Variants in ZCCHC17 observed in about 807,000 individuals in gnomAD.
ZCCHC17 encodes the protein zinc finger CCHC domain-containing protein 17.
In ZCCHC17, 18 loss-of-function variants were observed where a neutral mutation model predicts 30.6. That is an observed-to-expected ratio of 0.59 (90% CI 0.41 to 0.87). ZCCHC17 has a LOEUF of 0.87. Among genes scored for constraint, ZCCHC17 ranks in the 40% least tolerant of loss-of-function variants. The pLI, the probability that ZCCHC17 is intolerant of heterozygous loss-of-function variation, is 0.00. For synonymous variants in ZCCHC17, 88 were observed against 92.4 expected (o/e 0.95, Z 0.27); for missense variants, 263 against 284.2 (o/e 0.93, Z 0.54).
At chr1:31,325,820 A>C (rs1455833279) in intron 3 of ZCCHC17, among the ~76,000 whole-genome samples, 4 of 152,220 alleles carry the variant, frequency 2.6e-5, no homozygotes. Context: ...TGCTGGCCAC[A>C]GCAGCTTCTG....
intron 5 of ZCCHC17, among the ~76,000 whole-genome samples, chr1:31,344,455 C>T (rs986545557): frequency 1.3e-5 from 2 of 152,144 alleles, no homozygotes; most frequent in African/African-American, 2.4e-5. Flanking sequence ...TTAGCACTGG[C>T]GTTATCCACT....
intron 1 of ZCCHC17, among the ~76,000 whole-genome samples, chr1:31,306,135 A>G (rs1172025063): frequency 6.6e-6 from 1 of 152,152 alleles, no homozygotes; most frequent in African/African-American, 2.4e-5. Flanking sequence ...TCTTCCTCAC[A>G]ATTTCAGACA....
rs1557452488 is a variant in ZCCHC17, at chr1:31,345,569, T to TATAATATATATATATATAATATA, written c.318-1068_318-1067insATATATATATATATAATATAATA. ...ATTTATATATATATATATAATATAA[T>TATAATATATATATATATAATATA]ATATATATATATATTAGTTCTCACA... On this transcript the variant is annotated intron_variant, in intron 5 of 7. Coordinates refer to ENST00000344147, the MANE Select transcript of ZCCHC17 (RefSeq NM_016505.4). Among the ~76,000 whole-genome samples, 454 of 133,800 alleles carry TATAATATATATATATATAATATA rather than the reference T, an allele frequency of 3.4e-3. 4 individuals are homozygous for TATAATATATATATATATAATATA. Among genetic ancestry groups the TATAATATATATATATATAATATA allele is most frequent in the African/African-American group, 0.012 (432 of 35,376 alleles). The allele number at this position is 133,800 out of a possible 152,430, so 87.8% of individuals were successfully genotyped here.
intron 7 of ZCCHC17, among the ~76,000 whole-genome samples, chr1:31,360,701 C>G (rs1053444180): frequency 1.3e-5 from 2 of 152,182 alleles, no homozygotes; most frequent in Admixed American, 6.5e-5. Context: ...ATCTTCCCTC[C>G]TCCTGAGCCT....
intron 6 of ZCCHC17, among the ~76,000 whole-genome samples, chr1:31,348,474 C>T (rs1639353906): frequency 6.6e-6 from 1 of 152,182 alleles, no homozygotes; most frequent in African/African-American, 2.4e-5. Flanking sequence ...ATCCTGCTCT[C>T]TGGAGCAGTC....
chr1:31,355,136 C>T (rs1346746975), intron 7 of ZCCHC17, among the ~76,000 whole-genome samples: 3 of 149,246 alleles, frequency 2.0e-5, no homozygotes, highest in East Asian at 4.0e-4. Context: ...GATTGCGCCA[C>T]TGCACTCCAG....
At chr1:31,324,002 C>T (rs1638239690) in intron 3 of ZCCHC17, among the ~76,000 whole-genome samples, 1 of 152,136 alleles carries the variant, frequency 6.6e-6, no homozygotes, top group Admixed American at 6.5e-5. Flanking sequence ...CATAATTATG[C>T]CTCATCTTAC....
At chr1:31,338,033 C>T (rs982112639) in intron 4 of ZCCHC17, among the ~76,000 whole-genome samples, 2 of 151,904 alleles carry the variant, frequency 1.3e-5, no homozygotes, top group African/African-American at 4.8e-5. Flanking sequence ...ACAGTGGTGC[C>T]ATCACGGCTC....
At chr1:31,333,865 G>T (rs186118887) in intron 3 of ZCCHC17, among the ~76,000 whole-genome samples, 1 of 152,240 alleles carries the variant, frequency 6.6e-6, no homozygotes, top group African/African-American at 2.4e-5. Context: ...AGTATATTAG[G>T]TTCAACATTA....
At chr1:31,362,408 A>G (rs532403484) in intron 7 of ZCCHC17, among the ~76,000 whole-genome samples, 1 of 152,316 alleles carries the variant, frequency 6.6e-6, no homozygotes, top group African/African-American at 2.4e-5. Context: ...GAGGCAATAT[A>G]GGTATTTGAA....
chr1:31,361,702 A>T (rs1639901429), intron 7 of ZCCHC17, among the ~76,000 whole-genome samples: 1 of 152,230 alleles, frequency 6.6e-6, no homozygotes, highest in African/African-American at 2.4e-5. Context: ...GCGATCTGGG[A>T]CAAGTGGCTT....
intron 2 of ZCCHC17, 76 bp from the exon 3 acceptor site, chr1:31,319,033 G>A: frequency 6.6e-7 from 1 of 1,515,344 alleles, no homozygotes; most frequent in Non-Finnish European, 9.0e-7. Context: ...GTACAGATTT[G>A]GGGAGACTAG....
chr1:31,320,752 G>T (rs889297903), intron 3 of ZCCHC17, among the ~76,000 whole-genome samples: 3 of 151,826 alleles, frequency 2.0e-5, no homozygotes, highest in African/African-American at 7.3e-5. Flanking sequence ...ATAAATATTT[G>T]TGTACAACTT....
chr1:31,306,601 T>C lies in ZCCHC17; in HGVS notation c.-55-3443T>C, dbSNP rs187116660. Among the ~76,000 whole-genome samples, 7 of 152,198 alleles carry C rather than the reference T, an allele frequency of 4.6e-5. No homozygotes were observed. In the East Asian group the frequency reaches 5.8e-4, roughly 13 times the overall value. ...GTGGTAGACTGTGAGTAACTGCAAC[T>C]GTGGAAAGTACAACTGTGGATGGGA... On this transcript the variant is annotated intron_variant, in intron 1 of 7. Coordinates refer to ENST00000344147, the MANE Select transcript of ZCCHC17 (RefSeq NM_016505.4).
intron 7 of ZCCHC17, among the ~76,000 whole-genome samples, chr1:31,359,641 C>G (rs1411221145): frequency 6.6e-6 from 1 of 152,152 alleles, no homozygotes; most frequent in East Asian, 1.9e-4. Flanking sequence ...TGGGCTGCTG[C>G]TATCCTGTTT....
chr1:31,358,117 C>T (rs1374490471), intron 7 of ZCCHC17, among the ~76,000 whole-genome samples: 1 of 152,206 alleles, frequency 6.6e-6, no homozygotes, highest in African/African-American at 2.4e-5. Context: ...AGGACACAAG[C>T]TATTCAGGTA....
At chr1:31,356,403 C>T (rs576514490) in intron 7 of ZCCHC17, among the ~76,000 whole-genome samples, 3 of 152,314 alleles carry the variant, frequency 2.0e-5, no homozygotes, top group Non-Finnish European at 4.4e-5. Context: ...GAAGACAATG[C>T]AAAGCCTCTA....
chr1:31,297,035 T>C lies in ZCCHC17; in HGVS notation c.-96T>C. On this transcript the variant is annotated 5_prime_UTR_variant, in exon 1 of 8. Transcript: ENST00000344147. ...GCGCTGGCTGACTGGGGTCGGCGTTTAGTTCAGCGCAGCGACTCGGGGACC... is the reference window on the plus strand; with the variant it reads ...GCGCTGGCTGACTGGGGTCGGCGTTCAGTTCAGCGCAGCGACTCGGGGACC... 2.2e-6 allele frequency: 1 copy of C among 463,318 alleles called. No homozygotes were observed. The highest frequency in any genetic ancestry group is 3.8e-6 in the Non-Finnish European group (1 of 262,180). 28.7% of individuals were successfully genotyped at this position (463,318 alleles called of 1,614,324 possible).
chr1:31,338,990 A>G lies in ZCCHC17; in HGVS notation c.259A>G (p.Met87Val). 2 of 1,612,588 alleles carry G rather than the reference A, an allele frequency of 1.2e-6. No homozygotes were observed. The highest frequency in any genetic ancestry group is 1.7e-6 in the Non-Finnish European group (2 of 1,179,694). The part of the protein sequence containing the change: ...KNDRIKVSLS[M>V]KVVNQGTGKD... The stretch of plus-strand genomic sequence containing the variant: ...TGATAGAATAAAAGTATCCCTCTCC[A>G]TGAAGGTTGTCAATCAAGGGACTGG... Residue 87 changes from methionine to valine, a missense_variant, in exon 5 of 8, where the codon ATG (methionine) becomes GTG (valine). Physicochemically the swap from Met to Val is conservative, Grantham distance 21. Coordinates refer to ENST00000344147, the MANE Select transcript of ZCCHC17 (RefSeq NM_016505.4).
Sources: allele counts gnomAD v4.1 joint callset (sites outside exome capture counted in the v4.1 genomes callset), GRCh38; gene constraint gnomAD v4.1.1; transcripts MANE v1.5; gene names NCBI Gene and HGNC (gene_info 2026-07-23, HGNC 2026-07-21).